Variants in PHF6 observed in about 807,000 individuals in gnomAD.
PHF6 encodes the protein PHD finger protein 6, also known as PHD-like zinc finger protein.
PHF6 carries 7 observed loss-of-function variants against 34.0 expected under a neutral mutation model. The ratio of observed to expected loss-of-function variants is 0.21; its 90% CI spans 0.12 to 0.39. The LOEUF (loss-of-function observed/expected upper bound fraction) is 0.39, where lower values mean the gene tolerates loss of function less well. Ranked by LOEUF, PHF6 falls within the 10% of genes least tolerant of loss-of-function variation. The pLI, the probability that PHF6 is intolerant of heterozygous loss-of-function variation, is 1.00. For synonymous variants in PHF6, 89 were observed against 88.4 expected, an observed-to-expected ratio of 1.01 and a Z score of -0.04; for missense variants, 128 against 262.8, an observed-to-expected ratio of 0.49 and a Z score of 3.55.
intron 9 of PHF6, among the ~76,000 whole-genome samples, chrX:134,423,983 G>A (rs1459290765): frequency 9.1e-6 from 1 of 109,417 alleles, no homozygotes; most frequent in South Asian, 4.0e-4. Context: ...ACGGGGGAGG[G>A]ATAGCATTAG....
At chrX:134,398,561 A>C (rs751884513) in intron 5 of PHF6, among the ~76,000 whole-genome samples, 1 of 112,064 alleles carries the variant, frequency 8.9e-6, no homozygotes, top group South Asian at 3.7e-4. Flanking sequence ...TAGTGATAGA[A>C]GGCTTGGACT....
intron 3 of PHF6, among the ~76,000 whole-genome samples, chrX:134,383,173 G>A (rs1242018032): frequency 1.8e-5 from 2 of 110,401 alleles, no homozygotes; most frequent in African/African-American, 3.3e-5. Flanking sequence ...TCAGGAGTTC[G>A]AGGCTGTGGT....
intron 5 of PHF6, among the ~76,000 whole-genome samples, chrX:134,403,896 C>T (rs1255297587): frequency 8.9e-6 from 1 of 112,011 alleles, no homozygotes; most frequent in Non-Finnish European, 1.9e-5. Flanking sequence ...ACACCTACTG[C>T]TCAGAGAAAA....
chrX:134,421,123 A>G (rs1024436620), intron 9 of PHF6, among the ~76,000 whole-genome samples: 21 of 111,547 alleles, frequency 1.9e-4, no homozygotes, highest in Non-Finnish European at 3.9e-4. Context: ...TAGCAGCTTA[A>G]CAGGATAGAG....
At chrX:134,415,753 A>G (rs768989213) in intron 8 of PHF6, among the ~76,000 whole-genome samples, 3 of 111,050 alleles carry the variant, frequency 2.7e-5, no homozygotes, top group South Asian at 7.5e-4. Flanking sequence ...ACATGTATCT[A>G]TCCATCATCT....
chrX:134,416,002 C>T (rs1358433113), intron 8 of PHF6, among the ~76,000 whole-genome samples: 1 of 110,121 alleles, frequency 9.1e-6, no homozygotes. Flanking sequence ...CTCTGTCGCC[C>T]AGGCTGGGGT....
At chrX:134,377,549 G>A (rs2077283087) in intron 1 of PHF6, 23 bp from the exon 2 acceptor site, 2 of 1,043,342 alleles carry the variant, frequency 1.9e-6, no homozygotes, top group Non-Finnish European at 2.6e-6. Context: ...AATTAACATT[G>A]TCGCCCTTCT....
rs2077407113 is a variant in PHF6 at position 134,402,580 on chromosome X, C to T, written c.418+8628C>T. 2.7e-5 allele frequency among the ~76,000 whole-genome samples: 3 copies of T among 111,534 alleles called. No homozygotes were observed. The South Asian group carries it at 1.1e-3, about 42-fold the overall frequency. ...TTGGGGGATTTTTTTAAAAACCTACCTCATAGGATTATTCTAAGGATTAAA... is the reference window on the plus strand; with the variant it reads ...TTGGGGGATTTTTTTAAAAACCTACTTCATAGGATTATTCTAAGGATTAAA... On this transcript the variant is annotated intron_variant, in intron 5 of 10. Coordinates refer to ENST00000370803, the MANE Select transcript of PHF6 (RefSeq NM_001015877.2).
intron 3 of PHF6, among the ~76,000 whole-genome samples, chrX:134,379,798 G>A (rs1021610872): frequency 4.5e-5 from 5 of 111,298 alleles, no homozygotes; most frequent in Non-Finnish European, 9.4e-5. Flanking sequence ...GTTTCTTCAC[G>A]TTACTGTGCT....
rs772514181 is a variant in PHF6, at chrX:134,410,044, C to T, written c.419-3447C>T. Among the ~76,000 whole-genome samples the T allele has an allele frequency of 3.6e-5, 4 of 111,982 alleles. No homozygotes were observed. The East Asian group carries it at 8.4e-4, about 24-fold the overall frequency. On this transcript the variant is annotated intron_variant, in intron 5 of 10. Coordinates refer to ENST00000370803, the MANE Select transcript of PHF6 (RefSeq NM_001015877.2). ...TTTTCTTTATCCAGTCCACCGTTGA[C>T]GCACACCTAGGGTGATTCCTTGTCT...
intron 8 of PHF6, among the ~76,000 whole-genome samples, chrX:134,416,581 A>G (rs1332274892): frequency 9.0e-6 from 1 of 111,716 alleles, no homozygotes; most frequent in Non-Finnish European, 1.9e-5. Context: ...AAAGGCTGTG[A>G]GAAGTCCTGC....
Position 134,394,189 on chromosome X carries a change from A to G in PHF6, c.418+237A>G, listed in dbSNP as rs1048565788. Among the ~76,000 whole-genome samples the G allele has an allele frequency of 4.6e-5, 5 of 108,782 alleles. No individual in the cohort carries two copies. In the Admixed American group the frequency reaches 4.9e-4, roughly 11 times the overall value. The allele number at this position is 108,782 out of a possible 115,157, so 94.5% of individuals were successfully genotyped here. ...TGCTCTGTCGCCCAGGCTGGAGTAC[A>G]GTGGTGTGATCACAGCTTACTGCAA... On this transcript the variant is annotated intron_variant, in intron 5 of 10. Coordinates refer to ENST00000370803, the MANE Select transcript of PHF6 (RefSeq NM_001015877.2).
intron 3 of PHF6, among the ~76,000 whole-genome samples, chrX:134,380,829 T>C: frequency 1.8e-5 from 2 of 111,723 alleles, no homozygotes; most frequent in Middle Eastern, 4.6e-3. Flanking sequence ...ACTTGATAAA[T>C]AGTAGCCACC....
At chrX:134,393,374 TA>T in intron 3 of PHF6, 126 bp from the exon 4 acceptor site, 5 of 661,691 alleles carry the variant, frequency 7.6e-6, no homozygotes, top group Non-Finnish European at 1.2e-5. Flanking sequence ...ACAAGAAAAG[TA>T]GCATTAATTA....
rs370636099 is a variant in PHF6, at chrX:134,404,113, A to G, written c.419-9378A>G. On this transcript the variant is annotated intron_variant, in intron 5 of 10. Transcript: ENST00000370803. ...TACATTTCATGAGGCTGTAGCTGCC[A>G]TACATAGTGATTTCTGTGATGAATC... 7.7e-3 allele frequency among the ~76,000 whole-genome samples: 717 copies of G among 93,080 alleles called. 5 individuals carry two copies. Among genetic ancestry groups the G allele is most frequent in the African/African-American group, 0.029 (683 of 23,394 alleles). The allele number at this position is 93,080 out of a possible 115,157, so 80.8% of individuals were successfully genotyped here. A position where few individuals can be genotyped will look rare whatever the true frequency, so the allele number is the denominator to read the frequency against.
chrX:134,412,052 G>A (rs1173821927), intron 5 of PHF6, among the ~76,000 whole-genome samples: 1 of 112,367 alleles, frequency 8.9e-6, no homozygotes, highest in Admixed American at 9.4e-5. Context: ...AATTCTAACA[G>A]CTTTTAGTGA....
chrX:134,394,953 A>G (rs1404794132), intron 5 of PHF6, among the ~76,000 whole-genome samples: 1 of 108,465 alleles, frequency 9.2e-6, no homozygotes, highest in Non-Finnish European at 1.9e-5. Context: ...CCTGGGTTCA[A>G]GCGATTCTCC....
intron 5 of PHF6, among the ~76,000 whole-genome samples, chrX:134,410,259 AGT>A (rs2077444312): frequency 8.9e-6 from 1 of 112,007 alleles, no homozygotes; most frequent in African/African-American, 3.3e-5. Flanking sequence ...TCCCACCAAC[AGT>A]GTATAAACAT....
chrX:134,401,343 G>C (rs1157826905), intron 5 of PHF6, among the ~76,000 whole-genome samples: 1 of 111,915 alleles, frequency 8.9e-6, no homozygotes, highest in Non-Finnish European at 1.9e-5. Flanking sequence ...GTCTGAAACT[G>C]CCACCCACTA....
Sources: gnomAD v4.1 joint callset for allele counts (sites outside exome capture counted in the v4.1 genomes callset) on GRCh38, gnomAD v4.1.1 for gene constraint, MANE v1.5 for transcripts, NCBI Gene and HGNC (gene_info 2026-07-23, HGNC 2026-07-21) for gene names.